The following USH2A variants were observed in gnomAD, a reference collection of about 807,000 sequenced individuals.
USH2A encodes the protein Usher syndrome 2A (autosomal recessive, mild).
A neutral mutation model predicts 538.9 loss-of-function variants in USH2A; 443 were observed. The ratio of observed to expected loss-of-function variants is 0.82; its 90% CI spans 0.76 to 0.89. The LOEUF is 0.89. USH2A is among the 40% of genes least tolerant of loss of function. USH2A has a pLI of 0.00. For synonymous variants in USH2A, 2,413 were observed against 2,273.5 expected, an observed-to-expected ratio of 1.06 and a Z score of -1.75; for missense variants, 6,633 against 6,324.8, an observed-to-expected ratio of 1.05 and a Z score of -1.65.
At chr1:215,774,900 T>C (rs1039728577) in intron 55 of USH2A, among the ~76,000 whole-genome samples, 1 of 149,444 alleles carries the variant, frequency 6.7e-6, no homozygotes, top group African/African-American at 2.4e-5. Context: ...GCCACACTTT[T>C]TTTTTTCTTT....
intron 21 of USH2A, among the ~76,000 whole-genome samples, chr1:216,125,436 A>G (rs577770779): frequency 4.6e-5 from 7 of 152,314 alleles, no homozygotes; most frequent in Admixed American, 4.6e-4. Flanking sequence ...AAGTAAGATG[A>G]AATCAGATGC....
intron 32 of USH2A, among the ~76,000 whole-genome samples, chr1:216,008,368 C>T (rs548618435): frequency 6.6e-6 from 1 of 152,058 alleles, no homozygotes; most frequent in African/African-American, 2.4e-5. Context: ...ACTCTGGCCT[C>T]CAGAGAACAA....
At position 215,671,174 on chromosome 1, in the gene USH2A, A is replaced by G; in HGVS notation, c.13931T>C (p.Met4644Thr). 1.9e-6 allele frequency: 3 copies of G among 1,614,098 alleles called. No individual in the cohort carries two copies. Among genetic ancestry groups the G allele is most frequent in the Non-Finnish European group, 2.5e-6 (3 of 1,179,994 alleles). ...MQPPPHLEVQ[M>T]APGGFQPTVS... is the part of the protein sequence containing the mutation. Reference sequence around the variant, plus strand: ...AGTTGGCTGGAATCCTCCTGGAGCCATTTGTACCTCCAGATGTGGAGGGGG... The same window carrying G: ...AGTTGGCTGGAATCCTCCTGGAGCCGTTTGTACCTCCAGATGTGGAGGGGG... The change falls in exon 64 of 72, where the codon ATG (methionine) becomes ACG (threonine). Residue 4644 changes from methionine (M) to threonine (T), a missense_variant. Coordinates refer to ENST00000307340, the MANE Select transcript of USH2A (RefSeq NM_206933.4).
At chr1:216,026,987 C>G (rs1413265292) in intron 32 of USH2A, among the ~76,000 whole-genome samples, 3 of 152,152 alleles carry the variant, frequency 2.0e-5, no homozygotes, top group African/African-American at 2.4e-5. Flanking sequence ...GCTTTATCCC[C>G]TCAAAAACTT....
At chr1:215,812,400 A>C (rs1662721497) in intron 49 of USH2A, among the ~76,000 whole-genome samples, 2 of 152,182 alleles carry the variant, frequency 1.3e-5, no homozygotes, top group South Asian at 4.1e-4. Context: ...TGTTTTGGTA[A>C]ATTGGCTCTA....
At chr1:215,704,028 T>C (rs1659110094) in intron 61 of USH2A, among the ~76,000 whole-genome samples, 1 of 152,144 alleles carries the variant, frequency 6.6e-6, no homozygotes, top group Non-Finnish European at 1.5e-5. Flanking sequence ...GCACAGTCGT[T>C]CATGGCACAG....
At chr1:215,627,747 A>G (rs997295265) in intron 71 of USH2A, among the ~76,000 whole-genome samples, 1 of 152,046 alleles carries the variant, frequency 6.6e-6, no homozygotes, top group Non-Finnish European at 1.5e-5. Flanking sequence ...GCTGGTCTCT[A>G]TCTAACTCTG....
chr1:216,121,474 T>A (rs902007606), intron 21 of USH2A, among the ~76,000 whole-genome samples: 1 of 152,182 alleles, frequency 6.6e-6, no homozygotes, highest in Non-Finnish European at 1.5e-5. Context: ...TCTATTATAC[T>A]CACCACTGGT....
chr1:215,940,495 C>A (rs577302512), intron 37 of USH2A, among the ~76,000 whole-genome samples: 1 of 152,110 alleles, frequency 6.6e-6, no homozygotes, highest in African/African-American at 2.4e-5. Flanking sequence ...TTCCATTTTT[C>A]TGATAGATCT....
intron 32 of USH2A, among the ~76,000 whole-genome samples, chr1:216,040,347 T>C (rs1415784439): frequency 2.6e-5 from 4 of 152,022 alleles, no homozygotes; most frequent in African/African-American, 9.7e-5. Flanking sequence ...GTTCTAGTCA[T>C]TATCCACAGC....
chr1:215,825,272 C>T (rs1663121656), intron 47 of USH2A, among the ~76,000 whole-genome samples: 1 of 152,048 alleles, frequency 6.6e-6, no homozygotes, highest in Admixed American at 6.6e-5. Flanking sequence ...AGGCTGGACT[C>T]AAATCCTGGC....
intron 44 of USH2A, among the ~76,000 whole-genome samples, chr1:215,852,748 C>T (rs756905985): frequency 2.0e-5 from 3 of 152,198 alleles, no homozygotes; most frequent in Non-Finnish European, 4.4e-5. Flanking sequence ...CAACGCAAGT[C>T]CAAAATCAAG....
At chr1:216,068,850 T>A (rs2031466104) in intron 30 of USH2A, among the ~76,000 whole-genome samples, 1 of 152,124 alleles carries the variant, frequency 6.6e-6, no homozygotes, top group African/African-American at 2.4e-5. Flanking sequence ...AACAACTCCA[T>A]CAGGCAGAAA....
chr1:215,740,247 T>G (rs1463367386), intron 60 of USH2A, among the ~76,000 whole-genome samples: 1 of 152,144 alleles, frequency 6.6e-6, no homozygotes, highest in African/African-American at 2.4e-5. Flanking sequence ...ATTATTTATT[T>G]AAAGAATACA....
intron 49 of USH2A, among the ~76,000 whole-genome samples, chr1:215,809,927 T>G (rs1308448456): frequency 1.3e-5 from 2 of 152,184 alleles, no homozygotes; most frequent in Non-Finnish European, 2.9e-5. Context: ...TTGCGCTTTT[T>G]TCCCCCTCAG....
At chr1:215,665,817 C>G (rs1183490403) in intron 64 of USH2A, among the ~76,000 whole-genome samples, 5 of 152,190 alleles carry the variant, frequency 3.3e-5, no homozygotes, top group Non-Finnish European at 7.3e-5. Flanking sequence ...GTAGCACAAG[C>G]AAGACTGTGA....
intron 64 of USH2A, among the ~76,000 whole-genome samples, chr1:215,668,341 A>T (rs182486091): frequency 6.6e-6 from 1 of 152,348 alleles, no homozygotes; most frequent in East Asian, 1.9e-4. Flanking sequence ...ATATTTACAC[A>T]GGCTAAATGA....
intron 58 of USH2A, among the ~76,000 whole-genome samples, chr1:215,744,922 T>C (rs1039894331): frequency 4.6e-5 from 7 of 152,232 alleles, no homozygotes; most frequent in Non-Finnish European, 7.3e-5. Context: ...CATTCTATCA[T>C]TGATTCCTAA....
chr1:215,923,891 T>C (rs1416114727), intron 38 of USH2A, among the ~76,000 whole-genome samples: 1 of 151,900 alleles, frequency 6.6e-6, no homozygotes, highest in Non-Finnish European at 1.5e-5. Context: ...ATTTTACTTC[T>C]TCTTTTTAAA....
Sources: gnomAD v4.1 joint callset for allele counts (sites outside exome capture counted in the v4.1 genomes callset) on GRCh38, gnomAD v4.1.1 for gene constraint, MANE v1.5 for transcripts, NCBI Gene and HGNC (gene_info 2026-07-23, HGNC 2026-07-21) for gene names.